The following COL4A5 variants were observed in gnomAD, a reference collection of about 807,000 sequenced individuals.
COL4A5 encodes the protein collagen alpha-5(IV) chain.
In COL4A5, 26 loss-of-function variants were observed where a neutral mutation model predicts 130.2. The ratio of observed to expected loss-of-function variants is 0.20; its 90% CI spans 0.15 to 0.28. The LOEUF is 0.28. Ranked by LOEUF, COL4A5 falls within the 10% of genes least tolerant of loss-of-function variation. The pLI is 1.00. For synonymous variants in COL4A5, 496 were observed against 439.6 expected, an observed-to-expected ratio of 1.13 and a Z score of -1.60; for missense variants, 1,131 against 1,344.3, an observed-to-expected ratio of 0.84 and a Z score of 2.48.
chrX:108,465,703 T>A (rs1311700235), intron 1 of COL4A5, among the ~76,000 whole-genome samples: 1 of 112,317 alleles, frequency 8.9e-6, no homozygotes, highest in African/African-American at 3.2e-5. Flanking sequence ...TTTTGCCTGC[T>A]TTCTTCTAGA....
intron 37 of COL4A5, among the ~76,000 whole-genome samples, chrX:108,659,688 TTGTC>T (rs2067915803): frequency 9.0e-6 from 1 of 110,956 alleles, no homozygotes; most frequent in South Asian, 3.6e-4. Flanking sequence ...GGATTTTTCT[TTGTC>T]TGATATCAGT....
chrX:108,671,930 A>C (rs1340968391), intron 42 of COL4A5, among the ~76,000 whole-genome samples: 1 of 112,063 alleles, frequency 8.9e-6, no homozygotes, highest in East Asian at 2.8e-4. Context: ...AATCTTTGTC[A>C]CATATGAAAA....
intron 1 of COL4A5, among the ~76,000 whole-genome samples, chrX:108,472,236 C>T (rs1209887866): frequency 9.0e-6 from 1 of 110,925 alleles, no homozygotes; most frequent in Non-Finnish European, 1.9e-5. Flanking sequence ...GATATTTTTT[C>T]AGACTTATTT....
At chrX:108,659,935 C>T (rs2067920586) in intron 37 of COL4A5, among the ~76,000 whole-genome samples, 1 of 110,753 alleles carries the variant, frequency 9.0e-6, no homozygotes, top group African/African-American at 3.3e-5. Context: ...TTGTTTTATG[C>T]TCCTCCTTTG....
At chrX:108,527,393 T>A (rs1235224749) in intron 1 of COL4A5, among the ~76,000 whole-genome samples, 1 of 112,248 alleles carries the variant, frequency 8.9e-6, no homozygotes, top group African/African-American at 3.2e-5. Context: ...ACCAGTTTTC[T>A]ATACAATTAC....
intron 1 of COL4A5, among the ~76,000 whole-genome samples, chrX:108,495,364 A>G (rs1281496719): frequency 8.9e-6 from 1 of 112,105 alleles, no homozygotes; most frequent in African/African-American, 3.2e-5. Flanking sequence ...AAAAATGTTT[A>G]TTCTGTGAAA....
rs751505266 is a variant in COL4A5 at position 108,546,293 on chromosome X, A to G, written c.141+6488A>G. Among the ~76,000 whole-genome samples the G allele has an allele frequency of 2.1e-4, 24 of 111,703 alleles. 1 individual carries two copies. The South Asian group carries it at 4.2e-3, about 19-fold the overall frequency. ...AGTGCTTCCTTCAGGAGCTCTTGTA[A>G]GGCAGGCCTGGTGGTGACAAAATCT... On this transcript the variant is annotated intron_variant, in intron 2 of 52. Coordinates refer to ENST00000328300, the MANE Select transcript of COL4A5 (RefSeq NM_033380.3).
intron 47 of COL4A5, among the ~76,000 whole-genome samples, chrX:108,685,678 C>A (rs1171603509): frequency 1.8e-5 from 2 of 111,994 alleles, no homozygotes; most frequent in Non-Finnish European, 3.8e-5. Flanking sequence ...TAACTTCAGT[C>A]TTTTGCTCTT....
At chrX:108,558,975 A>G (rs752490204) in intron 2 of COL4A5, 89 bp from the exon 3 acceptor site, 48 of 723,865 alleles carry the variant, frequency 6.6e-5, no homozygotes, top group East Asian at 5.7e-4. Context: ...AGTTTTGTCT[A>G]GATAGTCATG....
At chrX:108,459,984 T>C in intron 1 of COL4A5, among the ~76,000 whole-genome samples, 1 of 112,239 alleles carries the variant, frequency 8.9e-6, no homozygotes. Flanking sequence ...AAATATAATT[T>C]GGTTTATTTT....
chrX:108,675,563 T>G (rs1399384726), intron 43 of COL4A5, among the ~76,000 whole-genome samples: 1 of 111,490 alleles, frequency 9.0e-6, no homozygotes, highest in Non-Finnish European at 1.9e-5. Flanking sequence ...AACCTTTTCG[T>G]TATGATTGAG....
At chrX:108,658,494 C>A (rs1355066185) in intron 37 of COL4A5, among the ~76,000 whole-genome samples, 1 of 110,976 alleles carries the variant, frequency 9.0e-6, no homozygotes, top group Non-Finnish European at 1.9e-5. Context: ...TCTATTTTTT[C>A]TTTAAATGTT....
At chrX:108,650,640 C>T (rs1422915449) in intron 36 of COL4A5, among the ~76,000 whole-genome samples, 3 of 110,822 alleles carry the variant, frequency 2.7e-5, no homozygotes, top group Non-Finnish European at 3.8e-5. Flanking sequence ...ACCCGGATGA[C>T]ATTGGAGACT....
intron 2 of COL4A5, among the ~76,000 whole-genome samples, chrX:108,553,927 A>C (rs1170469491): frequency 4.5e-5 from 5 of 112,219 alleles, no homozygotes; most frequent in African/African-American, 1.3e-4. Flanking sequence ...CACCATAACA[A>C]GTTTGAATCT....
intron 2 of COL4A5, among the ~76,000 whole-genome samples, chrX:108,558,086 C>A (rs1318518055): frequency 2.5e-5 from 2 of 81,289 alleles, no homozygotes; most frequent in Non-Finnish European, 4.7e-5. Context: ...CCCCCCACCC[C>A]ACAACAGGCC....
intron 36 of COL4A5, among the ~76,000 whole-genome samples, chrX:108,633,975 A>G (rs1231684785): frequency 9.0e-6 from 1 of 111,463 alleles, no homozygotes; most frequent in East Asian, 2.8e-4. Flanking sequence ...TGATATATTA[A>G]CTCTTCCATT....
intron 25 of COL4A5, among the ~76,000 whole-genome samples, chrX:108,599,818 A>G (rs774519905): frequency 8.9e-6 from 1 of 112,272 alleles, no homozygotes; most frequent in Non-Finnish European, 1.9e-5. Flanking sequence ...CACAAAGCCT[A>G]AAGTATTTAC....
chrX:108,647,822 G>T (rs1162043848), intron 36 of COL4A5, among the ~76,000 whole-genome samples: 1 of 111,635 alleles, frequency 9.0e-6, no homozygotes, highest in Non-Finnish European at 1.9e-5. Flanking sequence ...GGCCTTTTCT[G>T]CATCTATTGA....
At chrX:108,534,117 A>T (rs1355213195) in intron 1 of COL4A5, among the ~76,000 whole-genome samples, 43 of 109,523 alleles carry the variant, frequency 3.9e-4, no homozygotes, top group Non-Finnish European at 3.1e-4. Flanking sequence ...AGCCACCAGA[A>T]AACTGTATGG....
Sources: gnomAD v4.1 joint callset for allele counts (sites outside exome capture counted in the v4.1 genomes callset) on GRCh38, gnomAD v4.1.1 for gene constraint, MANE v1.5 for transcripts, NCBI Gene and HGNC (gene_info 2026-07-23, HGNC 2026-07-21) for gene names.